The following RBP2 variants were observed in gnomAD, a reference collection of about 807,000 sequenced individuals.
RBP2 encodes retinol-binding protein 2.
Under a neutral mutation model 17.0 loss-of-function variants are expected in RBP2, and 17 were observed. That is an observed-to-expected ratio of 1.00 (90% CI 0.68 to 1.50). The LOEUF (loss-of-function observed/expected upper bound fraction) is 1.50, where lower values mean the gene tolerates loss of function less well. Ranked by LOEUF, RBP2 falls within the 40% of genes most tolerant of loss-of-function variation. The pLI, the probability that RBP2 is intolerant of heterozygous loss-of-function variation, is 0.00. For missense variants in RBP2, 158 were observed against 168.2 expected (o/e 0.94, Z 0.33); for synonymous variants, 48 against 57.1 (o/e 0.84, Z 0.72).
intron 1 of RBP2, among the ~76,000 whole-genome samples, chr3:139,469,003 A>G (rs563777830): frequency 6.6e-6 from 1 of 152,240 alleles, no homozygotes; most frequent in South Asian, 2.1e-4. Context: ...AAATATGAGT[A>G]TGCTACTCAA....
At chr3:139,469,241 CT>C (rs1020355292) in intron 1 of RBP2, among the ~76,000 whole-genome samples, 12 of 152,266 alleles carry the variant, frequency 7.9e-5, no homozygotes, top group Middle Eastern at 6.8e-3. Context: ...CAATTTTCTC[CT>C]TTTTTCCATG....
chr3:139,467,017 T>A (rs1402562707), intron 1 of RBP2, among the ~76,000 whole-genome samples: 1 of 152,206 alleles, frequency 6.6e-6, no homozygotes, highest in Non-Finnish European at 1.5e-5. Flanking sequence ...TCCCCCTGCA[T>A]TTTTCATGGA....
chr3:139,457,127 A>C (rs940409504), intron 2 of RBP2, among the ~76,000 whole-genome samples: 2 of 152,224 alleles, frequency 1.3e-5, no homozygotes, highest in Non-Finnish European at 2.9e-5. Flanking sequence ...AAGCTCCATG[A>C]AAGAAGATGC....
In RBP2 at chr3:139,453,151, C is replaced by T; in HGVS notation, c.370G>A (p.Asp124Asn). The T allele has an allele frequency of 1.2e-6, 2 of 1,614,156 alleles. No individual in the cohort carries two copies. The highest frequency in any genetic ancestry group is 1.7e-6 in the Non-Finnish European group (2 of 1,180,020). The change falls in exon 4 of 4, where the codon GAC becomes AAC. Residue 124 changes from aspartate (D) to asparagine (N), a missense_variant. By Grantham distance (23) the Asp-to-Asn change is conservative. Transcript: ENST00000232217. ...DKLYLELTCG[D>N]QVCRQVFKKK ...TTGAACACTTGACGGCACACCTGGTCACCACAGGTCAGCTCCTGCAACGTC... is the reference window on the plus strand; with the variant it reads ...TTGAACACTTGACGGCACACCTGGTTACCACAGGTCAGCTCCTGCAACGTC...
At chr3:139,476,280 G>A in intron 1 of RBP2, 107 bp downstream of exon 1, 1 of 835,656 alleles carries the variant, frequency 1.2e-6, no homozygotes, top group East Asian at 2.5e-5. Context: ...CATGAGGCAT[G>A]AGGATTTGCC....
intron 1 of RBP2, among the ~76,000 whole-genome samples, chr3:139,469,005 G>T (rs1320302797): frequency 6.6e-6 from 1 of 152,190 alleles, no homozygotes; most frequent in African/African-American, 2.4e-5. Flanking sequence ...ATATGAGTAT[G>T]CTACTCAACA....
At chr3:139,467,666 A>G (rs1933410517) in intron 1 of RBP2, among the ~76,000 whole-genome samples, 1 of 152,198 alleles carries the variant, frequency 6.6e-6, no homozygotes, top group African/African-American at 2.4e-5. Flanking sequence ...GCTTGTCCAT[A>G]TGCAGTGCAC....
chr3:139,475,543 A>G (rs34623690), intron 1 of RBP2, among the ~76,000 whole-genome samples: 41,326 of 151,956 alleles, frequency 0.27, 7,098 homozygotes, highest in East Asian at 0.86. Context: ...CGTTTCTCTC[A>G]TTCTGCATGT....
In RBP2 at chr3:139,454,728, C is replaced by G. The variant is rs968324312; in HGVS notation, c.354+1G>C. The G allele has an allele frequency of 6.2e-7, 1 of 1,613,974 alleles. No homozygotes were observed. On this transcript the variant is annotated splice_donor_variant, in intron 3 of 3. Coordinates refer to ENST00000232217, the MANE Select transcript of RBP2 (RefSeq NM_004164.3). LOFTEE classifies it high-confidence loss of function. ...TGAGCTGAGCAGAACCCAGTACTTA[C>G]CAGGTACAGCTTGTCCCCCTCAATC...
intron 1 of RBP2, among the ~76,000 whole-genome samples, chr3:139,474,244 T>G (rs116027185): frequency 6.6e-6 from 1 of 152,256 alleles, no homozygotes; most frequent in East Asian, 1.9e-4. Flanking sequence ...AAGGTGTAAG[T>G]TGATGTGAAA....
At chr3:139,472,176 G>A (rs1163753961) in intron 1 of RBP2, among the ~76,000 whole-genome samples, 1 of 151,990 alleles carries the variant, frequency 6.6e-6, no homozygotes, top group East Asian at 1.9e-4. Flanking sequence ...CTGACTCCAT[G>A]TACTGTAGCT....
At chr3:139,474,703 A>T (rs1216478386) in intron 1 of RBP2, among the ~76,000 whole-genome samples, 1 of 152,164 alleles carries the variant, frequency 6.6e-6, no homozygotes, top group Admixed American at 6.5e-5. Context: ...CCAAAAGGTT[A>T]AAAAACTGGT....
chr3:139,466,979 C>G (rs1313839999), intron 1 of RBP2, among the ~76,000 whole-genome samples: 1 of 152,188 alleles, frequency 6.6e-6, no homozygotes, highest in African/African-American at 2.4e-5. Flanking sequence ...TTACTGCTCC[C>G]CTCTGCCTGC....
chr3:139,468,506 G>T (rs1180516046), intron 1 of RBP2, among the ~76,000 whole-genome samples: 2 of 152,160 alleles, frequency 1.3e-5, no homozygotes, highest in Non-Finnish European at 2.9e-5. Flanking sequence ...TTGAAAAATG[G>T]CTTGGCCTCT....
At chr3:139,461,106 G>A (rs1933171986) in intron 2 of RBP2, among the ~76,000 whole-genome samples, 1 of 152,090 alleles carries the variant, frequency 6.6e-6, no homozygotes, top group African/African-American at 2.4e-5. Flanking sequence ...ATTTGATTTG[G>A]AAAATCAAAA....
chr3:139,453,316 G>A (rs1411839443), intron 3 of RBP2, 150 bp from the exon 4 acceptor site: 9 of 764,488 alleles, frequency 1.2e-5, no homozygotes, highest in Non-Finnish European at 1.8e-5. Context: ...CCCAATCAGC[G>A]GGCATGCCCT....
chr3:139,471,515 A>G (rs1157205458), intron 1 of RBP2, among the ~76,000 whole-genome samples: 1 of 152,248 alleles, frequency 6.6e-6, no homozygotes, highest in Non-Finnish European at 1.5e-5. Flanking sequence ...TTTAAGTGAA[A>G]AAGATGTTCT....
chr3:139,463,328 A>G (rs1251307950), intron 1 of RBP2, among the ~76,000 whole-genome samples: 1 of 152,080 alleles, frequency 6.6e-6, no homozygotes, highest in Non-Finnish European at 1.5e-5. Flanking sequence ...CTGGGACTAC[A>G]GGTGCCCACC....
intron 2 of RBP2, among the ~76,000 whole-genome samples, chr3:139,457,122 C>T (rs1468244171): frequency 6.6e-6 from 1 of 152,196 alleles, no homozygotes; most frequent in African/African-American, 2.4e-5. Flanking sequence ...ACAGTAAGCT[C>T]CATGAAAGAA....
Sources: allele counts gnomAD v4.1 joint callset (sites outside exome capture counted in the v4.1 genomes callset), GRCh38; gene constraint gnomAD v4.1.1; transcripts MANE v1.5; gene names NCBI Gene and HGNC (gene_info 2026-07-23, HGNC 2026-07-21).